The following SLC26A7 variants were observed in gnomAD, a reference collection of about 807,000 sequenced individuals.
SLC26A7 encodes anion exchange transporter.
In SLC26A7, 59 loss-of-function variants were observed where a neutral mutation model predicts 82.5. The ratio of observed to expected loss-of-function variants is 0.72; its 90% confidence interval spans 0.58 to 0.89. The LOEUF is 0.89. Ranked by LOEUF, SLC26A7 falls within the 40% of genes least tolerant of loss-of-function variation. The probability of loss-of-function intolerance (pLI) is 0.00; values close to 1 mark genes in which losing one functional copy is unlikely to be tolerated. For synonymous variants in SLC26A7, 271 were observed against 274.3 expected (o/e 0.99, Z 0.12); for missense variants, 820 against 793.0 (o/e 1.03, Z -0.41).
intron 2 of SLC26A7, among the ~76,000 whole-genome samples, chr8:91,257,616 A>G (rs996363707): frequency 6.6e-6 from 1 of 151,972 alleles, no homozygotes; most frequent in South Asian, 2.1e-4. Context: ...ATTTCTCAAA[A>G]TAAAAAAATA....
intron 2 of SLC26A7, among the ~76,000 whole-genome samples, chr8:91,287,425 C>T (rs746809481): frequency 1.8e-4 from 27 of 152,206 alleles, no homozygotes; most frequent in Non-Finnish European, 3.1e-4. Flanking sequence ...CTGCTTCCAG[C>T]TTTATGTTAC....
intron 2 of SLC26A7, among the ~76,000 whole-genome samples, chr8:91,279,444 T>C (rs763526880): frequency 1.3e-5 from 2 of 152,180 alleles, no homozygotes; most frequent in Non-Finnish European, 2.9e-5. Context: ...TTTCTTCATA[T>C]CCTCATCAAC....
chr8:91,288,887 G>GT (rs1811785065), intron 2 of SLC26A7, among the ~76,000 whole-genome samples: 7 of 152,236 alleles, frequency 4.6e-5, no homozygotes, highest in Admixed American at 3.3e-4. Context: ...CTGAACCACT[G>GT]TTTTTTGTAG....
At chr8:91,366,448 C>T (rs1586458878) in intron 13 of SLC26A7, 132 bp from the exon 14 acceptor site, 1 of 956,046 alleles carries the variant, frequency 1.0e-6, no homozygotes, top group South Asian at 1.6e-5. Context: ...ACATTAAGGC[C>T]TCTAAATACA....
At chr8:91,271,523 C>G (rs938255751) in intron 2 of SLC26A7, among the ~76,000 whole-genome samples, 2 of 151,528 alleles carry the variant, frequency 1.3e-5, no homozygotes, top group Non-Finnish European at 2.9e-5. Flanking sequence ...GATAAAGAAC[C>G]AAAGTATGTG....
At chr8:91,282,841 C>T (rs75948709) in intron 2 of SLC26A7, among the ~76,000 whole-genome samples, 1,789 of 152,300 alleles carry the variant, frequency 0.012, 30 homozygotes, top group African/African-American at 0.041. Flanking sequence ...CAAACATTTT[C>T]AGAATGCTGT....
At chr8:91,318,447 T>G in intron 5 of SLC26A7, 67 bp downstream of exon 5, 2 of 1,384,508 alleles carry the variant, frequency 1.4e-6, no homozygotes, top group South Asian at 1.5e-5. Flanking sequence ...AGAATTTGAT[T>G]AATTATAGTA....
intron 2 of SLC26A7, among the ~76,000 whole-genome samples, chr8:91,273,692 G>A (rs1390208066): frequency 2.0e-5 from 3 of 152,130 alleles, no homozygotes; most frequent in South Asian, 2.1e-4. Flanking sequence ...TTTCAGGAAG[G>A]TAGGCAACTT....
chr8:91,252,569 C>A (rs1563644427), intron 2 of SLC26A7, among the ~76,000 whole-genome samples: 2 of 151,944 alleles, frequency 1.3e-5, no homozygotes. Flanking sequence ...TGCCTCCCAC[C>A]AAACACTGGT....
intron 16 of SLC26A7, among the ~76,000 whole-genome samples, chr8:91,390,265 T>C (rs934010991): frequency 3.9e-5 from 6 of 152,036 alleles, no homozygotes; most frequent in East Asian, 1.9e-4. Flanking sequence ...TACAGGCACC[T>C]GCCACCACGC....
chr8:91,267,500 G>T (rs756981938), intron 2 of SLC26A7, among the ~76,000 whole-genome samples: 38 of 151,708 alleles, frequency 2.5e-4, no homozygotes, highest in Non-Finnish European at 4.3e-4. Context: ...GGTCCTATGT[G>T]TTCAGACATT....
At chr8:91,323,300 A>T (rs540438690) in intron 5 of SLC26A7, among the ~76,000 whole-genome samples, 1 of 152,314 alleles carries the variant, frequency 6.6e-6, no homozygotes, top group East Asian at 1.9e-4. Context: ...TTTAATTTGG[A>T]TATGAAACAA....
At chr8:91,377,386 G>T (rs565876677) in intron 15 of SLC26A7, among the ~76,000 whole-genome samples, 116 of 152,172 alleles carry the variant, frequency 7.6e-4, no homozygotes, top group African/African-American at 2.5e-3. Context: ...TAGAAGTGGC[G>T]GAAAGTTAGA....
intron 4 of SLC26A7, among the ~76,000 whole-genome samples, chr8:91,316,634 G>A (rs947692142): frequency 6.6e-6 from 1 of 151,492 alleles, no homozygotes; most frequent in African/African-American, 2.4e-5. Context: ...AAGACTTGGT[G>A]TAAATATTAT....
chr8:91,303,526 G>C (rs1298169012), intron 4 of SLC26A7, among the ~76,000 whole-genome samples: 1 of 152,134 alleles, frequency 6.6e-6, no homozygotes, highest in African/African-American at 2.4e-5. Flanking sequence ...CATTGTAGTG[G>C]TTTGAGTATC....
intron 11 of SLC26A7, among the ~76,000 whole-genome samples, chr8:91,358,530 C>T (rs1461369038): frequency 6.6e-6 from 1 of 151,802 alleles, no homozygotes; most frequent in Non-Finnish European, 1.5e-5. Context: ...CGGGGTTTCT[C>T]CATGTTAGTC....
intron 9 of SLC26A7, among the ~76,000 whole-genome samples, chr8:91,351,074 G>A (rs951980412): frequency 1.3e-5 from 2 of 152,070 alleles, no homozygotes; most frequent in African/African-American, 4.8e-5. Context: ...GCCTGTGAAA[G>A]CCTTCTTTTC....
chr8:91,379,746 T>G (rs939562296), intron 15 of SLC26A7, among the ~76,000 whole-genome samples: 1 of 151,966 alleles, frequency 6.6e-6, no homozygotes, highest in Non-Finnish European at 1.5e-5. Context: ...ATAAATAAAT[T>G]TCCTTAAAAC....
intron 15 of SLC26A7, among the ~76,000 whole-genome samples, chr8:91,372,635 C>T (rs1483866530): frequency 1.3e-5 from 2 of 151,892 alleles, no homozygotes; most frequent in African/African-American, 4.8e-5. Flanking sequence ...TTACTATAGC[C>T]TTGAAGTATA....
Sources: allele counts gnomAD v4.1 joint callset (sites outside exome capture counted in the v4.1 genomes callset), GRCh38; gene constraint gnomAD v4.1.1; transcripts MANE v1.5; gene names NCBI Gene and HGNC (gene_info 2026-07-23, HGNC 2026-07-21).